TEX2: variants seen among roughly 807,000 people sequenced by gnomAD.
TEX2 encodes testis expressed 2.
TEX2 carries 53 observed loss-of-function variants against 106.9 expected under a neutral mutation model. The ratio of observed to expected loss-of-function variants is 0.50; its 90% CI spans 0.40 to 0.62. The LOEUF is 0.62. Ranked by LOEUF, TEX2 falls within the 20% of genes least tolerant of loss-of-function variation. The pLI, the probability that TEX2 is intolerant of heterozygous loss-of-function variation, is 0.00. For missense variants in TEX2, 1,207 were observed against 1,379.0 expected, an observed-to-expected ratio of 0.88 and a Z score of 1.98; for synonymous variants, 523 against 534.8, an observed-to-expected ratio of 0.98 and a Z score of 0.30.
In TEX2 at chr17:64,213,990, A is replaced by G. The variant is rs2143096862; in HGVS notation, c.228T>C (p.Tyr76=). ...GGTCATGGCCAACTTGGGGTTCAAG[A>G]TAGAGGTCTTCCTTGGCTTCCAGCC... ...VTGLEAKEDL[Y]LEPQVGHDPA... The change falls in exon 2 of 12, where the codon TAT becomes TAC. Residue 76 remains tyrosine, a synonymous_variant. Coordinates refer to ENST00000584379, the MANE Select transcript of TEX2 (RefSeq NM_001288732.2). This position sits in a 1 kb window ranked among gnomAD's most constrained non-coding sequence, Gnocchi z 4.4. 1 of 1,614,210 alleles carries G rather than the reference A, an allele frequency of 6.2e-7. No homozygotes were observed. The highest frequency in any genetic ancestry group is 1.1e-5 in the South Asian group (1 of 91,086).
At chr17:64,175,904 C>T (rs993008891) in intron 6 of TEX2, among the ~76,000 whole-genome samples, 1 of 152,214 alleles carries the variant, frequency 6.6e-6, no homozygotes, top group Admixed American at 6.5e-5. Context: ...GGGAAAAGAG[C>T]AGGGCCAGCC....
At chr17:64,235,506 A>G (rs2143351469) in intron 1 of TEX2, among the ~76,000 whole-genome samples, 1 of 152,346 alleles carries the variant, frequency 6.6e-6, no homozygotes, top group South Asian at 2.1e-4. Context: ...GTGTAATGAC[A>G]ACTCAGGCAA....
At chr17:64,260,090 T>A (rs190781799) in intron 1 of TEX2, among the ~76,000 whole-genome samples, 1 of 152,340 alleles carries the variant, frequency 6.6e-6, no homozygotes, top group East Asian at 1.9e-4. Context: ...AGTCACCTTT[T>A]CATGGCAGTA....
intron 1 of TEX2, among the ~76,000 whole-genome samples, chr17:64,240,054 C>G (rs564335323): frequency 4.0e-5 from 6 of 151,708 alleles, no homozygotes; most frequent in Admixed American, 1.3e-4. Context: ...ATATGCACTG[C>G]CTAGAAATGC....
intron 4 of TEX2, among the ~76,000 whole-genome samples, chr17:64,190,154 T>C (rs1337782731): frequency 6.6e-6 from 1 of 152,214 alleles, no homozygotes; most frequent in Admixed American, 6.5e-5. Flanking sequence ...AGCACTTTAA[T>C]ATTTTACACT....
intron 2 of TEX2, among the ~76,000 whole-genome samples, chr17:64,210,414 T>G (rs950973882): frequency 3.9e-5 from 6 of 152,210 alleles, no homozygotes. Flanking sequence ...ATGCATATCT[T>G]CATATATGCA....
intron 1 of TEX2, among the ~76,000 whole-genome samples, chr17:64,250,867 A>G (rs2034077016): frequency 1.3e-5 from 2 of 151,676 alleles, no homozygotes; most frequent in Non-Finnish European, 2.9e-5. Context: ...TTTGTTTTTT[A>G]TTTTTGTAGA....
intron 8 of TEX2, among the ~76,000 whole-genome samples, chr17:64,159,482 T>C (rs1470115418): frequency 6.6e-6 from 1 of 152,154 alleles, no homozygotes; most frequent in East Asian, 1.9e-4. Flanking sequence ...GCAATTCAAA[T>C]TGGGGAAGTC....
In TEX2 at chr17:64,213,910, G is replaced by T. The variant is rs782274762; in HGVS notation, c.308C>A (p.Ala103Asp). ...VLADGLSVSQ[A>D]PAILPVSKNT... ...CTTGGAGACGGGCAAAATGGCAGGG[G>T]CCTGGGACACGGACAGTCCATCTGC... The change falls in exon 2 of 12, where the codon GCC becomes GAC. Residue 103 changes from alanine to aspartate, a missense_variant. Around this residue, in one of 3 missense-constraint regions of TEX2, gnomAD observed 1,067 missense variants for 1,193.6 expected, o/e 0.89. Transcript: ENST00000584379. The surrounding 1 kb of genome is among the most constrained non-coding windows in gnomAD (Gnocchi z 4.4). 3 of 1,614,230 alleles carry T rather than the reference G, an allele frequency of 1.9e-6. No individual in the cohort carries two copies. In the South Asian group the frequency reaches 3.3e-5, roughly 18 times the overall value.
chr17:64,152,749 T>C (rs2030416389), intron 10 of TEX2, among the ~76,000 whole-genome samples, 196 bp downstream of exon 10: 1 of 152,230 alleles, frequency 6.6e-6, no homozygotes, highest in South Asian at 2.1e-4. Context: ...ACATGAATTC[T>C]TGAATGTGAA....
rs1039188048 is a variant in TEX2, at chr17:64,195,093, T to A, written c.1647A>T (p.Gly549=). 5.0e-6 allele frequency: 8 copies of A among 1,613,640 alleles called. No individual in the cohort carries two copies. Among genetic ancestry groups the A allele is most frequent in the Non-Finnish European group, 5.9e-6 (7 of 1,179,610 alleles). Residue 549 remains glycine, a splice_region_variant and synonymous_variant, in exon 3 of 12, where the codon GGA becomes GGT. Coordinates refer to ENST00000584379, the MANE Select transcript of TEX2 (RefSeq NM_001288732.2). The surrounding 1 kb of genome is among the most constrained non-coding windows in gnomAD (Gnocchi z 4.1). ...CATAGTTGTAAATCTCATTCATCCA[T>A]CCCTGATGAAGAAAAACTTCCATTA... is the stretch of plus-strand genomic sequence containing the variant. The part of the protein sequence containing the change: ...LDIKEPEILK[G]WMNEIYNYDP...
At chr17:64,149,760 T>TA (rs1297836045) in intron 11 of TEX2, 1 of 151,830 alleles carries the variant, frequency 6.6e-6, no homozygotes, top group Non-Finnish European at 1.5e-5. Context: ...CTACTAAAAA[T>TA]ACAAAAAATT....
intron 1 of TEX2, among the ~76,000 whole-genome samples, chr17:64,233,029 T>C (rs1157408606): frequency 6.6e-6 from 1 of 152,048 alleles, no homozygotes; most frequent in Non-Finnish European, 1.5e-5. Context: ...CTAGGCAACA[T>C]CTTCAACACA....
chr17:64,181,757 C>T (rs2031875486), intron 5 of TEX2, among the ~76,000 whole-genome samples: 1 of 151,558 alleles, frequency 6.6e-6, no homozygotes, highest in Non-Finnish European at 1.5e-5. Flanking sequence ...CTCAGGTGAT[C>T]TGCCTGCCTC....
intron 5 of TEX2, among the ~76,000 whole-genome samples, chr17:64,181,296 T>C (rs1207432174): frequency 6.6e-6 from 1 of 151,572 alleles, no homozygotes; most frequent in Non-Finnish European, 1.5e-5. Context: ...GCCAACATGG[T>C]GAAGTCCCGT....
rs149052090 is a variant in TEX2, at chr17:64,182,626, C to G, written c.2425-5155G>C. On this transcript the variant is annotated intron_variant, in intron 5 of 11. Transcript: ENST00000584379. Reference sequence around the variant, plus strand: ...TTAGCAGTCACTCCCTATTCCTCCCCAACTCCTCCCCATCCCCCTGCCCAC... The same window carrying G: ...TTAGCAGTCACTCCCTATTCCTCCCGAACTCCTCCCCATCCCCCTGCCCAC... Among the ~76,000 whole-genome samples the G allele has an allele frequency of 6.7e-3, 1,021 of 152,198 alleles. 13 individuals are homozygous for G. Among genetic ancestry groups the G allele is most frequent in the African/African-American group, 0.023 (972 of 41,518 alleles).
intron 1 of TEX2, among the ~76,000 whole-genome samples, chr17:64,251,446 C>T (rs1273100336): frequency 2.0e-5 from 3 of 152,218 alleles, no homozygotes; most frequent in African/African-American, 7.2e-5. Flanking sequence ...CCAGAAAACG[C>T]ATCACTCTAG....
At chr17:64,198,870 G>C (rs1339339680) in intron 2 of TEX2, among the ~76,000 whole-genome samples, 1 of 152,062 alleles carries the variant, frequency 6.6e-6, no homozygotes, top group Non-Finnish European at 1.5e-5. Flanking sequence ...CATGATACTG[G>C]AATTTCAGAC....
At chr17:64,206,465 T>C (rs1387937690) in intron 2 of TEX2, among the ~76,000 whole-genome samples, 2 of 151,502 alleles carry the variant, frequency 1.3e-5, no homozygotes, top group African/African-American at 2.4e-5. Flanking sequence ...AACTCCAACA[T>C]ACTAAGAACA....
Sources: allele counts gnomAD v4.1 joint callset (sites outside exome capture counted in the v4.1 genomes callset), GRCh38; gene constraint gnomAD v4.1.1; regional missense constraint gnomAD v4.1.1; non-coding constraint Gnocchi (gnomAD v3.1); transcripts MANE v1.5; gene names NCBI Gene and HGNC (gene_info 2026-07-23, HGNC 2026-07-21).